DTNB: variants seen among roughly 807,000 people sequenced by gnomAD.
DTNB encodes DTN-B.
A neutral mutation model predicts 90.7 loss-of-function variants in DTNB; 63 were observed. The observed-to-expected ratio is 0.69, with a 90% CI of 0.57 to 0.86. DTNB has a LOEUF of 0.86. Among genes scored for constraint, DTNB ranks in the 40% least tolerant of loss-of-function variants. DTNB has a pLI of 0.00. For synonymous variants in DTNB, 277 were observed against 286.7 expected (o/e 0.97, Z 0.34); for missense variants, 744 against 807.1 (o/e 0.92, Z 0.95).
intron 10 of DTNB, among the ~76,000 whole-genome samples, chr2:25,473,181 A>G (rs1282958316): frequency 1.3e-5 from 2 of 152,248 alleles, no homozygotes; most frequent in Non-Finnish European, 2.9e-5. Context: ...GAACTGTACC[A>G]CAGCACTGAT....
At chr2:25,575,200 A>C (rs780911012) in intron 8 of DTNB, among the ~76,000 whole-genome samples, 2 of 151,942 alleles carry the variant, frequency 1.3e-5, no homozygotes, top group Non-Finnish European at 2.9e-5. Context: ...AAAACAGCAA[A>C]AACTATCCCA....
rs563350917 is a variant in DTNB, at chr2:25,418,778, C to T, written c.1575+737G>A. Among the ~76,000 whole-genome samples, 7 of 151,598 alleles carry T rather than the reference C, an allele frequency of 4.6e-5. No individual in the cohort carries two copies. In the East Asian group the frequency reaches 7.7e-4, roughly 17 times the overall value. On this transcript the variant is annotated intron_variant, in intron 16 of 20. Transcript: ENST00000406818. ...AAGGATAAAAAAGCTCCAAGGTAAA[C>T]GAAAACTCAGCTTCAGCTTAAAAAA...
chr2:25,499,850 A>T (rs932445682), intron 9 of DTNB, among the ~76,000 whole-genome samples: 3 of 152,166 alleles, frequency 2.0e-5, no homozygotes, highest in Non-Finnish European at 2.9e-5. Context: ...TTCAATTATG[A>T]ATGACTCTCT....
intron 2 of DTNB, among the ~76,000 whole-genome samples, chr2:25,652,323 A>C (rs1442673320): frequency 6.6e-6 from 1 of 152,108 alleles, no homozygotes; most frequent in East Asian, 1.9e-4. Flanking sequence ...CAAGAGATCT[A>C]AATTGACTGG....
At chr2:25,665,794 G>C (rs200715029) in intron 1 of DTNB, among the ~76,000 whole-genome samples, 34 of 143,924 alleles carry the variant, frequency 2.4e-4, no homozygotes, top group African/African-American at 8.4e-4. Context: ...AAAAAAAAAG[G>C]CCAGGGAAAA....
chr2:25,650,723 G>A (rs1465865381), intron 2 of DTNB, among the ~76,000 whole-genome samples: 1 of 152,210 alleles, frequency 6.6e-6, no homozygotes, highest in East Asian at 1.9e-4. Context: ...CATTTTGGGA[G>A]GCCAAGACAG....
chr2:25,386,143 A>T, intron 18 of DTNB: 17 of 982,638 alleles, frequency 1.7e-5, no homozygotes, highest in Non-Finnish European at 2.1e-5. Context: ...CCATCAAACA[A>T]GAGAGGCAGC....
intron 3 of DTNB, among the ~76,000 whole-genome samples, chr2:25,635,991 T>C (rs1553632615): frequency 6.6e-6 from 1 of 152,206 alleles, no homozygotes; most frequent in Non-Finnish European, 1.5e-5. Context: ...GACACTGCCA[T>C]GAACATTCTT....
chr2:25,383,655 A>G, intron 19 of DTNB, 181 bp downstream of exon 19: 1 of 1,342,022 alleles, frequency 7.5e-7, no homozygotes, highest in Non-Finnish European at 1.0e-6. Context: ...TGATCGACTG[A>G]CCTTGTCACC....
chr2:25,473,751 G>A lies in DTNB; in HGVS notation c.1079+9045C>T, dbSNP rs72851429. 8.1e-3 allele frequency among the ~76,000 whole-genome samples: 1,229 copies of A among 152,230 alleles called. 16 individuals carry two copies. The highest frequency in any genetic ancestry group is 0.028 in the African/African-American group (1,160 of 41,524). On this transcript the variant is annotated intron_variant, in intron 10 of 20. Transcript: ENST00000406818. ...CTTCCTCCAGTGTTTTGACCAAAGG[G>A]ACCTTAATTCAAGCCAGGGAGAAAT...
At chr2:25,485,212 T>A (rs933806044) in intron 9 of DTNB, among the ~76,000 whole-genome samples, 2 of 152,210 alleles carry the variant, frequency 1.3e-5, no homozygotes, top group African/African-American at 4.8e-5. Flanking sequence ...TCTCACTATG[T>A]TGCCTAGGCT....
intron 3 of DTNB, among the ~76,000 whole-genome samples, chr2:25,633,340 T>A (rs901241512): frequency 6.6e-6 from 1 of 152,158 alleles, no homozygotes; most frequent in African/African-American, 2.4e-5. Flanking sequence ...GTTTTCGTAT[T>A]TTTTTGGTGG....
intron 9 of DTNB, among the ~76,000 whole-genome samples, chr2:25,489,827 T>C (rs1196586899): frequency 6.6e-6 from 1 of 152,098 alleles, no homozygotes; most frequent in Non-Finnish European, 1.5e-5. Context: ...AGGAACTACC[T>C]GAACAAATGT....
At position 25,420,504 on chromosome 2, in the gene DTNB, ATCT is replaced by A. The variant is rs1558447997; in HGVS notation, c.1555-972_1555-970del. 3.4e-3 allele frequency among the ~76,000 whole-genome samples: 504 copies of A among 146,312 alleles called. 2 individuals carry two copies. Among genetic ancestry groups the A allele is most frequent in the Non-Finnish European group, 5.4e-3 (357 of 66,336 alleles). On this transcript the variant is annotated intron_variant, in intron 15 of 20. Transcript: ENST00000406818. Reference sequence around the variant, plus strand: ...TATCTATCTATCTATCTATCTATCTATCTATCTATCTATCTATCTGTCTGTCTA... The same window carrying A: ...TATCTATCTATCTATCTATCTATCTAATCTATCTATCTATCTGTCTGTCTA...
At chr2:25,493,364 C>T (rs1243194270) in intron 9 of DTNB, among the ~76,000 whole-genome samples, 1 of 152,108 alleles carries the variant, frequency 6.6e-6, no homozygotes, top group Non-Finnish European at 1.5e-5. Flanking sequence ...ATTATCTTCC[C>T]TACTCACTTG....
In DTNB at chr2:25,596,121, T is replaced by C. The variant is rs1191118756; in HGVS notation, c.568A>G (p.Thr190Ala). The C allele has an allele frequency of 1.2e-6, 2 of 1,613,360 alleles. No individual in the cohort carries two copies. Among genetic ancestry groups the C allele is most frequent in the Admixed American group, 3.3e-5 (2 of 59,938 alleles). ...AAACAGGTGCGGACTGAGTGCTCTG[T>C]GTAACCAAAAGATGGCCCTTCAAAG... ...AVFEGPSFGY[T>A]EHSVRTCFPQ... is the part of the protein sequence containing the mutation. The change falls in exon 6 of 21, where the codon ACA (threonine) becomes GCA (alanine). Residue 190 changes from threonine (T) to alanine (A), a missense_variant. Physicochemically the swap from Thr to Ala is moderately conservative, Grantham distance 58. Transcript: ENST00000406818.
intron 16 of DTNB, among the ~76,000 whole-genome samples, chr2:25,418,426 C>T (rs188962959): frequency 1.5e-4 from 23 of 152,216 alleles, no homozygotes; most frequent in Non-Finnish European, 3.2e-4. Flanking sequence ...GTAGGCTGGG[C>T]GTGGTGGCTC....
At chr2:25,545,911 C>G (rs546501376) in intron 8 of DTNB, among the ~76,000 whole-genome samples, 1 of 152,286 alleles carries the variant, frequency 6.6e-6, no homozygotes, top group Non-Finnish European at 1.5e-5. Flanking sequence ...CATGAGCCAC[C>G]GTGCCCGGCT....
In DTNB at chr2:25,562,448, G is replaced by A. The variant is rs767630249; in HGVS notation, c.876+14390C>T. ...TCAGTTCTCAAGGGTGTATACCTAG[G>A]AGCAGATTGTTGGATCACATGGTGA... is the stretch of plus-strand genomic sequence containing the variant. On this transcript the variant is annotated intron_variant, in intron 8 of 20. Transcript: ENST00000406818. Among the ~76,000 whole-genome samples the A allele has an allele frequency of 2.6e-5, 4 of 152,292 alleles. No homozygotes were observed. The South Asian group carries it at 8.3e-4, about 32-fold the overall frequency.
Sources: allele counts gnomAD v4.1 joint callset (sites outside exome capture counted in the v4.1 genomes callset), GRCh38; gene constraint gnomAD v4.1.1; transcripts MANE v1.5; gene names NCBI Gene and HGNC (gene_info 2026-07-23, HGNC 2026-07-21).